AARSD1: variants seen among roughly 807,000 people sequenced by gnomAD.
AARSD1 encodes alanyl-tRNA synthetase domain containing 1.
In AARSD1, 44 loss-of-function variants were observed where a neutral mutation model predicts 48.7. That is an observed-to-expected ratio of 0.90 (90% CI 0.71 to 1.16). The LOEUF (loss-of-function observed/expected upper bound fraction) is 1.16, where lower values mean the gene tolerates loss of function less well. Among genes scored for constraint, AARSD1 ranks in the 50% most tolerant of loss-of-function variants. The probability of loss-of-function intolerance (pLI) is 0.00; values close to 1 mark genes in which losing one functional copy is unlikely to be tolerated. For missense variants in AARSD1, 511 were observed against 523.1 expected (o/e 0.98, Z 0.23); for synonymous variants, 189 against 194.9 (o/e 0.97, Z 0.25).
At chr17:42,960,067 G>A (rs968350184) in intron 3 of AARSD1, among the ~76,000 whole-genome samples, 29 of 151,486 alleles carry the variant, frequency 1.9e-4, no homozygotes, top group African/African-American at 7.0e-4. Context: ...TCTGGAGTTC[G>A]AGACCAGCCT....
rs373593609 is a variant in AARSD1 at position 42,964,159 on chromosome 17, C to T, written c.118G>A (p.Gly40Ser). 17 of 1,614,100 alleles carry T rather than the reference C, an allele frequency of 1.1e-5. No homozygotes were observed. In the South Asian group the frequency reaches 1.8e-4, roughly 17 times the overall value. The part of the protein sequence containing the change: ...GSNGKKEVLS[G>S]FQVVLEDTVL... The stretch of plus-strand genomic sequence containing the variant: ...GTGTCTTCCAGCACCACTTGGAAAC[C>T]GCTCAGCACTTCTTTCTTGCCGTTG... Residue 40 changes from glycine (G) to serine (S), a missense_variant, in exon 2 of 12, where the codon GGT (glycine) becomes AGT (serine). Transcript: ENST00000427569.
Position 42,957,184 on chromosome 17 carries a change from T to C in AARSD1, c.343A>G (p.Ile115Val), listed in dbSNP as rs1320907968. 1 of 1,613,678 alleles carries C rather than the reference T, an allele frequency of 6.2e-7. No homozygotes were observed. Among genetic ancestry groups the C allele is most frequent in the Admixed American group, 1.7e-5 (1 of 59,976 alleles). The change falls in exon 4 of 12, where the codon ATC becomes GTC. Residue 115 changes from isoleucine to valine, a missense_variant. Physicochemically the swap from Ile to Val is conservative, Grantham distance 29 (BLOSUM62 3). Transcript: ENST00000427569. ...HMQQHSGQHLITAVADHLFKL... is the reference protein window; with the variant it reads ...HMQQHSGQHLVTAVADHLFKL... ...AATAGATGGTCAGCAACTGCCGTGA[T>C]GAGATGCTGCCCTAAGCAAAGAGAG...
In AARSD1 at chr17:42,952,167, C is replaced by G. The variant is rs142131681; in HGVS notation, c.1009-273G>C. ...AGAAAATGCCTTTCATGGTTTCACT[C>G]TTGCAAACTTTTCCCCACCACACAT... On this transcript the variant is annotated intron_variant, in intron 10 of 11. Coordinates refer to ENST00000427569, the MANE Select transcript of AARSD1 (RefSeq NM_001261434.2). 977 of 437,004 alleles carry G rather than the reference C, an allele frequency of 2.2e-3. 8 individuals carry two copies. Among genetic ancestry groups the G allele is most frequent in the African/African-American group, 0.018 (907 of 50,648 alleles). The allele number at this position is 437,004 out of a possible 1,614,324, so 27.1% of individuals were successfully genotyped here.
At position 42,961,266 on chromosome 17, in the gene AARSD1, G is replaced by C; in HGVS notation, c.257C>G (p.Pro86Arg). 1 of 1,614,096 alleles carries C rather than the reference G, an allele frequency of 6.2e-7. No homozygotes were observed. The highest frequency in any genetic ancestry group is 1.1e-5 in the South Asian group (1 of 91,072). The stretch of plus-strand genomic sequence containing the variant: ...CAGAACCTGGCTTCCTGGATCCAGG[G>C]GTGTCTGGGTGAAATGATCAGCCTG... ...GEQADHFTQT[P>R]LDPGSQVLVR... Residue 86 changes from proline to arginine, a missense_variant, in exon 3 of 12, where the codon CCC (proline) becomes CGC (arginine). Transcript: ENST00000427569.
At chr17:42,959,372 C>T (rs1264162183) in intron 3 of AARSD1, among the ~76,000 whole-genome samples, 3 of 151,612 alleles carry the variant, frequency 2.0e-5, no homozygotes, top group African/African-American at 7.2e-5. Context: ...TGCACCACCA[C>T]GCCCAGCTAA....
chr17:42,950,722 A>G lies in AARSD1; in HGVS notation c.1110T>C (p.Ala370=), dbSNP rs1597710170. The G allele has an allele frequency of 2.5e-6, 4 of 1,613,144 alleles. No homozygotes were observed. In the African/African-American group the frequency reaches 5.3e-5, roughly 22 times the overall value. ...ASVETLGPRV[A]EVLEGKGAGK... is the part of the protein sequence containing the mutation. ...CTGCTCCTTTGCCTTCCAGGACCTC[A>G]GCCACCCTGGGGAACAGAGGTATAG... The change falls in exon 12 of 12, where the codon GCT becomes GCC. Residue 370 remains alanine, a synonymous_variant. Coordinates refer to ENST00000427569, the MANE Select transcript of AARSD1 (RefSeq NM_001261434.2).
chr17:42,962,563 A>G (rs1006776076), intron 2 of AARSD1, among the ~76,000 whole-genome samples: 14 of 152,248 alleles, frequency 9.2e-5, no homozygotes, highest in Admixed American at 3.9e-4. Context: ...TTCCTGAAAG[A>G]AATGCTGTCT....
Position 42,957,691 on chromosome 17 carries a change from G to A in AARSD1, c.332-496C>T, listed in dbSNP as rs564481332. Among the ~76,000 whole-genome samples, 51 of 152,168 alleles carry A rather than the reference G, an allele frequency of 3.4e-4. 1 individual carries two copies. Among genetic ancestry groups the A allele is most frequent in the African/African-American group, 1.2e-3 (50 of 41,498 alleles). On this transcript the variant is annotated intron_variant, in intron 3 of 11. Transcript: ENST00000427569. ...TCACCACGTTGGCCAAGCTGGTCTT[G>A]AACTCTTGACCTCAAGTGATCCACC...
Position 42,954,887 on chromosome 17 carries a change from G to T in AARSD1, c.942C>A (p.Val314=). The T allele has an allele frequency of 1.2e-6, 2 of 1,613,984 alleles. No individual in the cohort carries two copies. The highest frequency in any genetic ancestry group is 2.2e-5 in the South Asian group (2 of 91,020). The part of the protein sequence containing the change: ...LRNSPDWGGV[V]ILHRKEGDSE... ...TCCTAATTTCTCACCTGTGTAATAT[G>T]ACCACACCTCCCCAGTCTGGACTGT... Residue 314 remains valine, a synonymous_variant, in exon 9 of 12, where the codon GTC becomes GTA. Coordinates refer to ENST00000427569, the MANE Select transcript of AARSD1 (RefSeq NM_001261434.2).
In AARSD1 at chr17:42,964,072, C is replaced by G. The variant is rs1197614259; in HGVS notation, c.171+34G>C. On this transcript the variant is annotated intron_variant, in intron 2 of 11. Transcript: ENST00000427569. ...GCATTTCGGCCTGAGCACAAAGAAACTGGGGGCTTCCTGGGAAGAGATCGT... is the reference window on the plus strand; with the variant it reads ...GCATTTCGGCCTGAGCACAAAGAAAGTGGGGGCTTCCTGGGAAGAGATCGT... The G allele has an allele frequency of 1.9e-6, 3 of 1,613,296 alleles. No homozygotes were observed. The South Asian group carries it at 3.3e-5, about 18-fold the overall frequency.
chr17:42,960,784 C>G (rs1224260719), intron 3 of AARSD1, among the ~76,000 whole-genome samples: 1 of 151,728 alleles, frequency 6.6e-6, no homozygotes, highest in Non-Finnish European at 1.5e-5. Flanking sequence ...CTGTCTATGC[C>G]TGAAGAGGTA....
intron 11 of AARSD1, 102 bp from the exon 12 acceptor site, chr17:42,950,830 A>AAGAGTAGATGACTTCT: frequency 6.7e-7 from 1 of 1,482,198 alleles, no homozygotes; most frequent in Non-Finnish European, 8.9e-7. Flanking sequence ...GAGGGATAAG[A>AAGAGTAGATGACTTCT]AGAGTAGATG....
Position 42,953,704 on chromosome 17 carries a change from GAATCTCATGCTCCTCTTACCTCTGACCC to G in AARSD1, c.1000_1008+19del. 1.9e-6 allele frequency: 3 copies of G among 1,614,126 alleles called. No individual in the cohort carries two copies. The highest frequency in any genetic ancestry group is 1.7e-5 in the Admixed American group (1 of 60,014). ...AGGTCTCTATCCAGGCCGGGGTAGA[GAATCTCATGCTCCTCTTACCTCTGACCC>G]AATCTCATTGGCAATGATATTCATG... On this transcript the variant is annotated splice_donor_variant and splice_donor_5th_base_variant and coding_sequence_variant and intron_variant, in exon 10 of 12. Coordinates refer to ENST00000427569, the MANE Select transcript of AARSD1 (RefSeq NM_001261434.2). LOFTEE classifies it high-confidence loss of function.
At chr17:42,953,890 TC>T in intron 9 of AARSD1, 112 bp from the exon 10 acceptor site, 1 of 1,341,694 alleles carries the variant, frequency 7.5e-7, no homozygotes, top group Non-Finnish European at 1.1e-6. Flanking sequence ...ACACATAAAG[TC>T]CCATATCCCT....
intron 6 of AARSD1, 69 bp downstream of exon 6, chr17:42,956,135 C>G (rs767424337): frequency 3.7e-6 from 6 of 1,611,976 alleles, no homozygotes; most frequent in Non-Finnish European, 5.1e-6. Flanking sequence ...CTCTCCCACT[C>G]CCAGCCCCAT....
chr17:42,950,638 C>G lies in AARSD1; in HGVS notation c.1194G>C (p.Gln398His). ...TGCTGATGTAGTCCTGGAGAAGCGC[C>G]TGCGCCTCCATCCGCCGGCTCATCT... ...ATKMSRRMEA[Q>H]ALLQDYISTQ... Residue 398 changes from glutamine to histidine, a missense_variant, in exon 12 of 12, where the codon CAG (glutamine) becomes CAC (histidine). Physicochemically the swap from Gln to His is conservative, Grantham distance 24. Transcript: ENST00000427569. 6.2e-7 allele frequency: 1 copy of G among 1,614,066 alleles called. No homozygotes were observed. Among genetic ancestry groups the G allele is most frequent in the Non-Finnish European group, 8.5e-7 (1 of 1,179,996 alleles).
chr17:42,954,020 G>A lies in AARSD1; in HGVS notation c.954-242C>T. On this transcript the variant is annotated intron_variant, in intron 9 of 11. Coordinates refer to ENST00000427569, the MANE Select transcript of AARSD1 (RefSeq NM_001261434.2). ...TAAATAGGATTCACCAGGATAAGCA[G>A]AAATCTGTTAGAGAGTAAAGGAGGT... is the stretch of plus-strand genomic sequence containing the variant. 15 of 543,834 alleles carry A rather than the reference G, an allele frequency of 2.8e-5. No individual in the cohort carries two copies. In the South Asian group the frequency reaches 3.0e-4, roughly 11 times the overall value. The allele number at this position is 543,834 out of a possible 1,614,324, so 33.7% of individuals were successfully genotyped here. A position where few individuals can be genotyped will look rare whatever the true frequency, so the allele number is the denominator to read the frequency against.
Position 42,956,524 on chromosome 17 carries a change from G to A in AARSD1, c.426C>T (p.Asp142=). The change falls in exon 5 of 12, where the codon GAC becomes GAT. Residue 142 remains aspartate (D), a synonymous_variant. Coordinates refer to ENST00000427569, the MANE Select transcript of AARSD1 (RefSeq NM_001261434.2). The stretch of plus-strand genomic sequence containing the variant: ...CTTGCTCTGCAGTCATAGAGGGGGT[G>A]TCCAGCTCAATCGCACTCCGAAATC... The part of the protein sequence containing the change: ...LGRFRSAIEL[D]TPSMTAEQVA... The A allele has an allele frequency of 8.1e-6, 13 of 1,613,828 alleles. No homozygotes were observed. Among genetic ancestry groups the A allele is most frequent in the Non-Finnish European group, 1.1e-5 (13 of 1,179,964 alleles).
At chr17:42,953,105 G>A (rs567482119) in intron 10 of AARSD1, among the ~76,000 whole-genome samples, 3 of 151,978 alleles carry the variant, frequency 2.0e-5, no homozygotes, top group South Asian at 2.1e-4. Context: ...TCAGCCTCCC[G>A]AGTAGCTGGG....
Sources: gnomAD v4.1 joint callset for allele counts (sites outside exome capture counted in the v4.1 genomes callset) on GRCh38, gnomAD v4.1.1 for gene constraint, MANE v1.5 for transcripts, NCBI Gene and HGNC (gene_info 2026-07-23, HGNC 2026-07-21) for gene names.